MOK: variants seen among roughly 807,000 people sequenced by gnomAD.
The protein encoded by MOK is MAPK/MAK/MRK overlapping kinase.
A neutral mutation model predicts 54.2 loss-of-function variants in MOK; 59 were observed. That is an observed-to-expected ratio of 1.09 (90% CI 0.88 to 1.35). MOK has a LOEUF of 1.35. Ranked by LOEUF, MOK falls within the 40% of genes most tolerant of loss-of-function variation. The pLI is 0.00. For synonymous variants in MOK, 210 were observed against 202.7 expected (o/e 1.04, Z -0.31); for missense variants, 517 against 526.2 (o/e 0.98, Z 0.17).
Position 102,231,811 on chromosome 14 carries a change from TC to T in MOK, c.876del (p.Lys293SerfsTer39), listed in dbSNP as rs745941186. On this transcript the variant is annotated frameshift_variant, in exon 10 of 12. Coordinates refer to ENST00000361847, the MANE Select transcript of MOK (RefSeq NM_014226.3). LOFTEE classifies it high-confidence loss of function. This position sits in a 1 kb window ranked among gnomAD's most constrained non-coding sequence, Gnocchi z 4.4. ...HPYFQEQRKT[E>X]KRALGSHRKA... ...TTTCTGTGGCTGCCCAGAGCCCGCTTCTCTGTTTTCCTACGGGGAAGGAGAA... is the reference window on the plus strand; with the variant it reads ...TTTCTGTGGCTGCCCAGAGCCCGCTTTCTGTTTTCCTACGGGGAAGGAGAA... 4 of 1,611,126 alleles carry T rather than the reference TC, an allele frequency of 2.5e-6. No individual in the cohort carries two copies. The highest frequency in any genetic ancestry group is 3.4e-6 in the Non-Finnish European group (4 of 1,178,174).
intron 10 of MOK, 189 bp from the exon 11 acceptor site, chr14:102,229,846 G>T: frequency 1.7e-6 from 1 of 599,836 alleles, no homozygotes; most frequent in Admixed American, 3.2e-5. Flanking sequence ...TCCCACGGGG[G>T]AGGCCAAACC....
intron 2 of MOK, among the ~76,000 whole-genome samples, chr14:102,279,927 G>A (rs2069243201): frequency 6.6e-6 from 1 of 151,948 alleles, no homozygotes; most frequent in South Asian, 2.1e-4. Flanking sequence ...ATACTGGAGG[G>A]GGTAGGGGTC....
rs200345869 is a variant in MOK at position 102,251,830 on chromosome 14, G to A, written c.363-26C>T. On this transcript the variant is annotated intron_variant, in intron 5 of 11. Transcript: ENST00000361847. Reference sequence around the variant, plus strand: ...CTGCATTCAGTATAAAGGAAAAATAGAATTACACTTCATTTATTCAAATTC... The same window carrying A: ...CTGCATTCAGTATAAAGGAAAAATAAAATTACACTTCATTTATTCAAATTC... 2.7e-4 allele frequency: 419 copies of A among 1,547,578 alleles called. 2 individuals are homozygous for A. The African/African-American group carries it at 5.3e-3, about 19-fold the overall frequency.
intron 2 of MOK, among the ~76,000 whole-genome samples, chr14:102,270,409 G>C (rs1225812135): frequency 6.6e-6 from 1 of 152,084 alleles, no homozygotes. Context: ...AGACCAGCCT[G>C]GCCAACACAG....
intron 4 of MOK, among the ~76,000 whole-genome samples, chr14:102,252,671 T>C (rs1307604358): frequency 6.6e-6 from 1 of 152,204 alleles, no homozygotes; most frequent in Non-Finnish European, 1.5e-5. Context: ...AGATTTCATA[T>C]TTCAAGTTTT....
At chr14:102,244,061 TCA>T (rs2065912103) in intron 7 of MOK, among the ~76,000 whole-genome samples, 1 of 152,212 alleles carries the variant, frequency 6.6e-6, no homozygotes, top group Non-Finnish European at 1.5e-5. Context: ...AGAGGTTTCC[TCA>T]CTACACAAGG....
intron 1 of MOK, among the ~76,000 whole-genome samples, chr14:102,287,326 A>C (rs2070238461): frequency 6.6e-6 from 1 of 152,086 alleles, no homozygotes; most frequent in South Asian, 2.1e-4. Context: ...AAACTTGGCC[A>C]GGCACAGTGG....
Position 102,229,317 on chromosome 14 carries a change from G to A in MOK, c.1232C>T (p.Pro411Leu). The change falls in exon 12 of 12, where the codon CCC becomes CTC. Residue 411 changes from proline (P) to leucine (L), a missense_variant. By Grantham distance (98) the Pro-to-Leu change is moderately conservative (BLOSUM62 -3). Coordinates refer to ENST00000361847, the MANE Select transcript of MOK (RefSeq NM_014226.3). Reference protein sequence around the residue: ...LKPAPQQCRLPTIVRKGGR With the variant: ...LKPAPQQCRLLTIVRKGGR ...TCTTCCGCCTTTCCGCACTATGGTG[G>A]GCAGGCGACACTGCTGCGGGGCAGG... The A allele has an allele frequency of 6.2e-7, 1 of 1,612,674 alleles. No individual in the cohort carries two copies. Among genetic ancestry groups the A allele is most frequent in the East Asian group, 2.2e-5 (1 of 44,884 alleles).
intron 1 of MOK, among the ~76,000 whole-genome samples, chr14:102,299,430 G>C (rs2071893243): frequency 6.6e-6 from 1 of 151,818 alleles, no homozygotes; most frequent in Admixed American, 6.6e-5. Flanking sequence ...CATGAGAATT[G>C]CTTGAACCCT....
downstream of MOK, chr14:102,226,236 G>A (rs112731924): frequency 1.5e-3 from 991 of 653,238 alleles, 8 homozygotes; most frequent in African/African-American, 0.015. This position sits in a 1 kb window ranked among gnomAD's most constrained non-coding sequence, Gnocchi z 4.8. Context: ...GCTTCTGCCC[G>A]GTGTCTTCTT....
At chr14:102,251,462 T>A in intron 6 of MOK, 1 of 490,170 alleles carries the variant, frequency 2.0e-6, no homozygotes, top group Non-Finnish European at 3.9e-6. Context: ...AAATCCTGCC[T>A]CTGCCACATT....
At chr14:102,220,325 G>C (rs1296244149), downstream of MOK, among the ~76,000 whole-genome samples, 2 of 152,192 alleles carry the variant, frequency 1.3e-5, no homozygotes, top group Non-Finnish European at 2.9e-5. This position sits in a 1 kb window ranked among gnomAD's most constrained non-coding sequence, Gnocchi z 4.2. Context: ...AACCTGAAAA[G>C]TGCCATAACG....
Position 102,232,378 on chromosome 14 carries a change from G to A in MOK, c.866+157C>T. ...AGGATACACCAGAAGGCAGCACGGT[G>A]TGGGCCCCAAGAGGCCCTGACCACT... On this transcript the variant is annotated intron_variant, in intron 9 of 11. Coordinates refer to ENST00000361847, the MANE Select transcript of MOK (RefSeq NM_014226.3). This position sits in a 1 kb window ranked among gnomAD's most constrained non-coding sequence, Gnocchi z 5.1. 1.3e-6 allele frequency: 1 copy of A among 760,582 alleles called. No homozygotes were observed. The highest frequency in any genetic ancestry group is 2.0e-6 in the Non-Finnish European group (1 of 491,318). 47.1% of individuals were successfully genotyped at this position (760,582 alleles called of 1,614,324 possible). A position where few individuals can be genotyped will look rare whatever the true frequency, so the allele number is the denominator to read the frequency against.
chr14:102,222,706 C>A (rs756572267), downstream of MOK: 2 of 958,466 alleles, frequency 2.1e-6, no homozygotes, highest in Admixed American at 3.8e-5. The surrounding 1 kb of genome is among the most constrained non-coding windows in gnomAD (Gnocchi z 4.4). Flanking sequence ...GGGTTTGCTC[C>A]CACACTGGCT....
chr14:102,261,498 C>G (rs1178987267), intron 4 of MOK, among the ~76,000 whole-genome samples: 1 of 125,520 alleles, frequency 8.0e-6, no homozygotes, highest in Admixed American at 9.1e-5. Context: ...CACACAGCAA[C>G]TTGCCAAAAA....
intron 4 of MOK, among the ~76,000 whole-genome samples, chr14:102,258,263 C>T (rs1358586243): frequency 1.3e-5 from 2 of 152,134 alleles, no homozygotes; most frequent in Admixed American, 6.5e-5. Flanking sequence ...CCAGCCTCAT[C>T]GATGCCTGCC....
intron 1 of MOK, among the ~76,000 whole-genome samples, chr14:102,298,069 T>C (rs1244504232): frequency 1.3e-5 from 2 of 152,138 alleles, no homozygotes; most frequent in Non-Finnish European, 2.9e-5. Flanking sequence ...GGCTGAGGGG[T>C]GCAGGCACAT....
intron 7 of MOK, among the ~76,000 whole-genome samples, chr14:102,244,963 G>GCT (rs1432028720): frequency 6.6e-6 from 1 of 152,038 alleles, no homozygotes; most frequent in Non-Finnish European, 1.5e-5. Context: ...AAAAAGGAGG[G>GCT]CTCTGTCAAG....
intron 2 of MOK, among the ~76,000 whole-genome samples, chr14:102,273,732 A>G (rs577184389): frequency 2.6e-5 from 4 of 152,238 alleles, no homozygotes; most frequent in Admixed American, 2.6e-4. Flanking sequence ...GGTTGCAGTG[A>G]GCTGAGATCA....
Sources: gnomAD v4.1 joint callset for allele counts (sites outside exome capture counted in the v4.1 genomes callset) on GRCh38, gnomAD v4.1.1 for gene constraint, Gnocchi (gnomAD v3.1) non-coding constraint, MANE v1.5 for transcripts, NCBI Gene and HGNC (gene_info 2026-07-23, HGNC 2026-07-21) for gene names.